Variants in RERE observed in about 807,000 individuals in gnomAD.
RERE encodes the protein arginine-glutamic acid dipeptide repeats, also known as arginine-glutamic acid dipeptide repeats protein.
Under a neutral mutation model 146.1 loss-of-function variants are expected in RERE, and 40 were observed. The observed-to-expected ratio is 0.27, with a 90% CI of 0.21 to 0.36. The LOEUF (loss-of-function observed/expected upper bound fraction) is 0.36, where lower values mean the gene tolerates loss of function less well. Among genes scored for constraint, RERE ranks in the 10% least tolerant of loss-of-function variants. RERE has a pLI of 1.00. For missense variants in RERE, 1,933 were observed against 2,138.7 expected (o/e 0.90, Z 1.90); for synonymous variants, 1,003 against 866.0 (o/e 1.16, Z -2.78).
intron 2 of RERE, among the ~76,000 whole-genome samples, chr1:8,628,457 T>C (rs114519572): frequency 0.015 from 2,314 of 152,288 alleles, 61 homozygotes; most frequent in African/African-American, 0.053. Flanking sequence ...AATCAAAGCA[T>C]GACGAACTAT....
At chr1:8,508,699 A>T in intron 7 of RERE, 24 bp from the exon 8 acceptor site, 1 of 1,586,646 alleles carries the variant, frequency 6.3e-7, no homozygotes, top group Non-Finnish European at 8.6e-7. Flanking sequence ...AGAGCAGATT[A>T]AGTTAGCGCA....
intron 11 of RERE, among the ~76,000 whole-genome samples, chr1:8,438,440 C>A (rs182484018): frequency 1.1e-4 from 16 of 152,330 alleles, no homozygotes; most frequent in Admixed American, 9.8e-4. Context: ...TTTTCATAAA[C>A]TTTATTTGTT....
chr1:8,755,073 A>G (rs962166164), intron 1 of RERE, among the ~76,000 whole-genome samples: 3 of 152,272 alleles, frequency 2.0e-5, no homozygotes, highest in African/African-American at 7.2e-5. Flanking sequence ...TTCCAATTCA[A>G]TACAAAGGCT....
intron 1 of RERE, among the ~76,000 whole-genome samples, chr1:8,752,518 T>A (rs1640559511): frequency 2.0e-5 from 3 of 152,222 alleles, no homozygotes; most frequent in Non-Finnish European, 4.4e-5. Context: ...GAAAAGTTCA[T>A]GTTTAAGTTT....
chr1:8,816,522 T>C (rs1003980222), intron 1 of RERE, among the ~76,000 whole-genome samples: 1 of 152,132 alleles, frequency 6.6e-6, no homozygotes, highest in Non-Finnish European at 1.5e-5. Context: ...CCTGCAACAC[T>C]TTTCCCCCCT....
rs1400258084 is a variant in RERE at position 8,361,843 on chromosome 1, T to A, written c.1936A>T (p.Ser646Cys). 1 of 1,613,854 alleles carries A rather than the reference T, an allele frequency of 6.2e-7. No homozygotes were observed. The highest frequency in any genetic ancestry group is 8.5e-7 in the Non-Finnish European group (1 of 1,179,916). Residue 646 changes from serine to cysteine, a missense_variant, in exon 17 of 23, where the codon AGT becomes TGT. Physicochemically the swap from Ser to Cys is moderately radical, Grantham distance 112 (BLOSUM62 -1). Transcript: ENST00000400908. ...VKEEASSPLK[S>C]NKRQREKVAS... The stretch of plus-strand genomic sequence containing the variant: ...ACCTTCTCCCGCTGGCGTTTGTTAC[T>A]CTTAAGAGGGGAAGAGGCTTCCTCC...
At chr1:8,607,367 A>T (rs1288261353) in intron 4 of RERE, among the ~76,000 whole-genome samples, 1 of 150,860 alleles carries the variant, frequency 6.6e-6, no homozygotes, top group Non-Finnish European at 1.5e-5. Flanking sequence ...GTCTCCAAAA[A>T]AAAAAAAAAA....
intron 1 of RERE, among the ~76,000 whole-genome samples, chr1:8,680,851 T>C (rs377120444): frequency 6.6e-6 from 1 of 152,112 alleles, no homozygotes; most frequent in Non-Finnish European, 1.5e-5. Context: ...AAAAACACTA[T>C]AGCCCGGGAG....
Position 8,797,071 on chromosome 1 carries a change from C to CA in RERE, c.-145+20088dup, listed in dbSNP as rs1270151290. Among the ~76,000 whole-genome samples the CA allele has an allele frequency of 2.7e-3, 396 of 146,702 alleles. 4 individuals are homozygous for CA. The highest frequency in any genetic ancestry group is 0.018 in the South Asian group (83 of 4,638). Reference sequence around the variant, plus strand: ...TGCTAGAAGACAGAACTAGTTTCCTCAAAAAAAAAAATCAGTCAAAGCCAG... The same window carrying CA: ...TGCTAGAAGACAGAACTAGTTTCCTCAAAAAAAAAAAATCAGTCAAAGCCAG... On this transcript the variant is annotated intron_variant, in intron 1 of 22. Transcript: ENST00000400908.
At chr1:8,541,705 T>C (rs541797603) in intron 6 of RERE, among the ~76,000 whole-genome samples, 1 of 152,314 alleles carries the variant, frequency 6.6e-6, no homozygotes, top group African/African-American at 2.4e-5. Context: ...TACTATATTA[T>C]GATAGGCAGA....
intron 12 of RERE, among the ~76,000 whole-genome samples, chr1:8,371,687 C>CTGT (rs1466016011): frequency 3.9e-5 from 6 of 152,234 alleles, no homozygotes; most frequent in African/African-American, 1.4e-4. Context: ...ACAGACACAA[C>CTGT]GTAAGACATC....
intron 3 of RERE, among the ~76,000 whole-genome samples, chr1:8,622,774 A>G (rs1646932118): frequency 1.8e-5 from 1 of 55,564 alleles, no homozygotes; most frequent in Non-Finnish European, 3.1e-5. Context: ...GAAAAATAAA[A>G]TGTGATTTTT....
intron 1 of RERE, among the ~76,000 whole-genome samples, chr1:8,739,839 T>A (rs997747323): frequency 2.0e-5 from 3 of 149,894 alleles, no homozygotes; most frequent in Non-Finnish European, 4.4e-5. Flanking sequence ...TTAATAATAC[T>A]GATATATTAA....
chr1:8,406,451 C>A (rs1643440233), intron 12 of RERE, among the ~76,000 whole-genome samples: 2 of 152,074 alleles, frequency 1.3e-5, no homozygotes, highest in South Asian at 4.1e-4. Flanking sequence ...AAAGGGGCAA[C>A]AGGTCCGCAA....
At chr1:8,708,113 C>T (rs1639592721) in intron 1 of RERE, among the ~76,000 whole-genome samples, 1 of 152,132 alleles carries the variant, frequency 6.6e-6, no homozygotes, top group South Asian at 2.1e-4. Context: ...GAGGAAACTA[C>T]TGTCCTATAC....
intron 16 of RERE, 50 bp from the exon 17 acceptor site, chr1:8,361,926 C>G (rs1641596891): frequency 1.6e-6 from 2 of 1,287,608 alleles, no homozygotes; most frequent in East Asian, 4.7e-5. Context: ...GAGACCATCC[C>G]ATCAGCCTCA....
At chr1:8,776,956 T>C (rs1391408384) in intron 1 of RERE, among the ~76,000 whole-genome samples, 1 of 152,008 alleles carries the variant, frequency 6.6e-6, no homozygotes, top group East Asian at 1.9e-4. Flanking sequence ...CTCGAACTCC[T>C]GGGCTCAAGC....
intron 8 of RERE, among the ~76,000 whole-genome samples, chr1:8,507,737 CT>C (rs58647657): frequency 4.0e-4 from 34 of 85,950 alleles, no homozygotes; most frequent in African/African-American, 1.0e-3. Flanking sequence ...CATCTTTTAT[CT>C]TTTTTTTTTT....
chr1:8,507,428 CAG>C (rs1446408251), intron 8 of RERE, among the ~76,000 whole-genome samples: 2 of 152,170 alleles, frequency 1.3e-5, no homozygotes, highest in African/African-American at 4.8e-5. Flanking sequence ...TATTTTTTTG[CAG>C]ACAGTCTCGC....
Sources: gnomAD v4.1 joint callset for allele counts (sites outside exome capture counted in the v4.1 genomes callset) on GRCh38, gnomAD v4.1.1 for gene constraint, MANE v1.5 for transcripts, NCBI Gene and HGNC (gene_info 2026-07-23, HGNC 2026-07-21) for gene names.